The following MAVS variants were observed in gnomAD, a reference collection of about 807,000 sequenced individuals.
The protein encoded by MAVS is mitochondrial antiviral-signaling protein.
MAVS carries 20 observed loss-of-function variants against 30.2 expected under a neutral mutation model. The ratio of observed to expected loss-of-function variants is 0.66; its 90% confidence interval spans 0.47 to 0.96. MAVS has a LOEUF of 0.96. Among genes scored for constraint, MAVS ranks in the 40% least tolerant of loss-of-function variants. MAVS has a pLI of 0.00. For missense variants in MAVS, 624 were observed against 701.1 expected, an observed-to-expected ratio of 0.89 and a Z score of 1.24; for synonymous variants, 278 against 293.9, an observed-to-expected ratio of 0.95 and a Z score of 0.55.
rs7263360 is a variant in MAVS, at chr20:3,857,827, G to A, written c.292+18G>A. On this transcript the variant is annotated intron_variant, in intron 3 of 6. Coordinates refer to ENST00000428216, the MANE Select transcript of MAVS (RefSeq NM_020746.5). ...CCAGCCTCGTGAGCGTCCTGCCCTTGCCCTCCTGGACCCCCAGCCTGCTCC... is the reference window on the plus strand; with the variant it reads ...CCAGCCTCGTGAGCGTCCTGCCCTTACCCTCCTGGACCCCCAGCCTGCTCC... 0.011 allele frequency: 17,682 copies of A among 1,613,774 alleles called. 1,350 individuals carry two copies. The African/African-American group carries it at 0.19, about 17-fold the overall frequency.
At chr20:3,847,967 G>A (rs1217773372) in intron 1 of MAVS, among the ~76,000 whole-genome samples, 2 of 152,204 alleles carry the variant, frequency 1.3e-5, no homozygotes, top group Non-Finnish European at 1.5e-5. Context: ...GTGAACAAAT[G>A]TGGGCTTCCT....
At chr20:3,853,680 G>A (rs139368952) in intron 1 of MAVS, among the ~76,000 whole-genome samples, 1 of 152,226 alleles carries the variant, frequency 6.6e-6, no homozygotes, top group Non-Finnish European at 1.5e-5. Flanking sequence ...TGTAGTTCCA[G>A]CTACCGGGGA....
intron 3 of MAVS, among the ~76,000 whole-genome samples, chr20:3,858,337 T>G (rs1158080605): frequency 6.6e-6 from 1 of 152,098 alleles, no homozygotes; most frequent in East Asian, 1.9e-4. Context: ...CCACTCTGAG[T>G]GCTCGGAGGC....
rs1007197882 is a variant in MAVS at position 3,867,539 on chromosome 20, T to C, written c.*1392T>C. 2 of 161,162 alleles carry C rather than the reference T, an allele frequency of 1.2e-5. No homozygotes were observed. The highest frequency in any genetic ancestry group is 4.8e-5 in the African/African-American group (2 of 41,484). 10.0% of individuals were successfully genotyped at this position (161,162 alleles called of 1,614,324 possible). ...TGAGCCCAGAAGCTTGAAGCTGCAGTGAGCTAGGATCGTGCCACTGCACTC... is the reference window on the plus strand; with the variant it reads ...TGAGCCCAGAAGCTTGAAGCTGCAGCGAGCTAGGATCGTGCCACTGCACTC... On this transcript the variant is annotated 3_prime_UTR_variant, in exon 7 of 7. Coordinates refer to ENST00000428216, the MANE Select transcript of MAVS (RefSeq NM_020746.5).
intron 2 of MAVS, among the ~76,000 whole-genome samples, chr20:3,855,240 C>T (rs1260454676): frequency 1.3e-5 from 2 of 152,132 alleles, no homozygotes; most frequent in African/African-American, 2.4e-5. Context: ...TTGCTGACTT[C>T]GCCGAGCTCC....
At position 3,868,887 on chromosome 20, in the gene MAVS, G is replaced by GAA. The variant is rs1053300618; in HGVS notation, c.*2747_*2748dup. The stretch of plus-strand genomic sequence containing the variant: ...TGACCGAGTGATACTCTGTCTCAAA[G>GAA]AAAAAAAATTATAATTTTAGCACAG... On this transcript the variant is annotated 3_prime_UTR_variant, in exon 7 of 7. Transcript: ENST00000428216. 6.6e-6 allele frequency: 1 copy of GAA among 152,010 alleles called. No individual in the cohort carries two copies. Among genetic ancestry groups the GAA allele is most frequent in the Non-Finnish European group, 1.5e-5 (1 of 67,978 alleles). 9.4% of individuals were successfully genotyped at this position (152,010 alleles called of 1,614,324 possible). A position where few individuals can be genotyped will look rare whatever the true frequency, so the allele number is the denominator to read the frequency against.
rs529671196 is a variant in MAVS at position 3,875,637 on chromosome 20, T to C, written c.*9490T>C. 2 of 152,460 alleles carry C rather than the reference T, an allele frequency of 1.3e-5. No homozygotes were observed. The highest frequency in any genetic ancestry group is 4.8e-5 in the African/African-American group (2 of 41,578). The allele number at this position is 152,460 out of a possible 1,614,324, so 9.4% of individuals were successfully genotyped here. A position where few individuals can be genotyped will look rare whatever the true frequency, so the allele number is the denominator to read the frequency against. Reference sequence around the variant, plus strand: ...AAAATGAAGGGAAGCCCTGGGTTCTTGTCCTGCATCCGCAGCCAGCTCCCA... The same window carrying C: ...AAAATGAAGGGAAGCCCTGGGTTCTCGTCCTGCATCCGCAGCCAGCTCCCA... On this transcript the variant is annotated 3_prime_UTR_variant, in exon 7 of 7. Transcript: ENST00000428216.
intron 1 of MAVS, among the ~76,000 whole-genome samples, chr20:3,850,262 G>A (rs375728402): frequency 1.9e-5 from 2 of 108,106 alleles, no homozygotes; most frequent in African/African-American, 7.6e-5. Context: ...GGGTGAAGGA[G>A]CGAGACTGTC....
At chr20:3,859,517 A>AC (rs1173968725) in intron 3 of MAVS, among the ~76,000 whole-genome samples, 108 of 122,084 alleles carry the variant, frequency 8.8e-4, no homozygotes, top group African/African-American at 2.9e-3. Context: ...CCAAAAAAAA[A>AC]AAACCCAAAA....
intron 3 of MAVS, among the ~76,000 whole-genome samples, chr20:3,859,182 T>C (rs773620175): frequency 3.0e-4 from 46 of 151,862 alleles, no homozygotes; most frequent in Non-Finnish European, 4.7e-4. Flanking sequence ...CCTTCCTTCT[T>C]TTTAAATATG....
intron 1 of MAVS, among the ~76,000 whole-genome samples, chr20:3,849,832 T>C (rs2089742644): frequency 6.6e-6 from 1 of 152,198 alleles, no homozygotes; most frequent in Non-Finnish European, 1.5e-5. Context: ...GAATATAAAT[T>C]GGATGTGGCA....
At chr20:3,859,005 G>A (rs1462350406) in intron 3 of MAVS, among the ~76,000 whole-genome samples, 1 of 151,880 alleles carries the variant, frequency 6.6e-6, no homozygotes, top group Non-Finnish European at 1.5e-5. Context: ...TCACTATGTT[G>A]CCCAGGCTGG....
Position 3,873,306 on chromosome 20 carries a change from G to A in MAVS, c.*7159G>A, listed in dbSNP as rs1341184663. On this transcript the variant is annotated 3_prime_UTR_variant, in exon 7 of 7. Coordinates refer to ENST00000428216, the MANE Select transcript of MAVS (RefSeq NM_020746.5). ...CCAGCACTTTGGGATGCTGGCAGGGGGCAGATCACTTGAAGCCAGGAGTCT... is the reference window on the plus strand; with the variant it reads ...CCAGCACTTTGGGATGCTGGCAGGGAGCAGATCACTTGAAGCCAGGAGTCT... The A allele has an allele frequency of 6.6e-6, 1 of 152,092 alleles. No individual in the cohort carries two copies. The highest frequency in any genetic ancestry group is 2.4e-5 in the African/African-American group (1 of 41,392). The allele number at this position is 152,092 out of a possible 1,614,324, so 9.4% of individuals were successfully genotyped here. A position where few individuals can be genotyped will look rare whatever the true frequency, so the allele number is the denominator to read the frequency against.
chr20:3,865,593 T>C lies in MAVS; in HGVS notation c.1159-90T>C. Reference sequence around the variant, plus strand: ...GGGAATTGAGGGGTTGGAGTGTTAGTTCATGCCCTGGCCTGGGAATGGGAC... The same window carrying C: ...GGGAATTGAGGGGTTGGAGTGTTAGCTCATGCCCTGGCCTGGGAATGGGAC... On this transcript the variant is annotated intron_variant, in intron 6 of 6. Transcript: ENST00000428216. This position sits in a 1 kb window ranked among gnomAD's most constrained non-coding sequence, Gnocchi z 4.7. 1 of 1,236,554 alleles carries C rather than the reference T, an allele frequency of 8.1e-7. No homozygotes were observed. Among genetic ancestry groups the C allele is most frequent in the Non-Finnish European group, 1.1e-6 (1 of 899,778 alleles). 76.6% of individuals were successfully genotyped at this position (1,236,554 alleles called of 1,614,324 possible).
intron 1 of MAVS, among the ~76,000 whole-genome samples, chr20:3,847,535 A>T (rs979418996): frequency 6.6e-6 from 1 of 152,226 alleles, no homozygotes; most frequent in Admixed American, 6.5e-5. Context: ...AAGTGCCAAG[A>T]AAACATGAAA....
intron 3 of MAVS, among the ~76,000 whole-genome samples, chr20:3,858,768 G>C (rs1201643103): frequency 6.7e-6 from 1 of 149,898 alleles, no homozygotes; most frequent in Admixed American, 6.7e-5. Flanking sequence ...ATAGCTGTGG[G>C]ACATCCATGT....
At chr20:3,854,764 C>CCA in intron 2 of MAVS, 23 bp downstream of exon 2, 4 of 1,532,538 alleles carry the variant, frequency 2.6e-6, no homozygotes, top group Non-Finnish European at 3.6e-6. Context: ...AGTGACAGCC[C>CCA]GACACTGGCC....
chr20:3,847,299 G>T (rs978918071), intron 1 of MAVS, among the ~76,000 whole-genome samples: 5 of 152,128 alleles, frequency 3.3e-5, no homozygotes, highest in African/African-American at 4.8e-5. Flanking sequence ...GCCGCCCTCC[G>T]CTGGGTCTGG....
chr20:3,865,695 G>A lies in MAVS; in HGVS notation c.1171G>A (p.Ala391Thr). The stretch of plus-strand genomic sequence containing the variant: ...CTTTCTTTCCCAGGAGACCCCAGCA[G>A]CTCCAACACCCGCCGGCGCCACTGG... ...GSSRNEETPA[A>T]PTPAGATGGS... is the part of the protein sequence containing the mutation. The change falls in exon 7 of 7, where the codon GCT becomes ACT. Residue 391 changes from alanine to threonine, a missense_variant. By Grantham distance (58) the Ala-to-Thr change is moderately conservative. Coordinates refer to ENST00000428216, the MANE Select transcript of MAVS (RefSeq NM_020746.5). This position sits in a 1 kb window ranked among gnomAD's most constrained non-coding sequence, Gnocchi z 4.7. 1 of 1,606,168 alleles carries A rather than the reference G, an allele frequency of 6.2e-7. No homozygotes were observed. Among genetic ancestry groups the A allele is most frequent in the Non-Finnish European group, 8.5e-7 (1 of 1,175,732 alleles).
Sources: allele counts gnomAD v4.1 joint callset (sites outside exome capture counted in the v4.1 genomes callset), GRCh38; gene constraint gnomAD v4.1.1; non-coding constraint Gnocchi (gnomAD v3.1); transcripts MANE v1.5; gene names NCBI Gene and HGNC (gene_info 2026-07-23, HGNC 2026-07-21).